The following TATDN3 variants were observed in gnomAD, a reference collection of about 807,000 sequenced individuals.
TATDN3 encodes TatD DNase domain containing 3, also known as deoxyribonuclease TATDN3.
In TATDN3, 29 loss-of-function variants were observed where a neutral mutation model predicts 40.1. The observed-to-expected ratio is 0.72, with a 90% CI of 0.54 to 0.99. The LOEUF is 0.99. Ranked by LOEUF, TATDN3 falls within the 50% of genes least tolerant of loss-of-function variation. TATDN3 has a pLI of 0.00. For synonymous variants in TATDN3, 105 were observed against 117.0 expected (o/e 0.90, Z 0.66); for missense variants, 309 against 321.9 (o/e 0.96, Z 0.31).
At chr1:212,802,143 C>T (rs995822660) in intron 4 of TATDN3, among the ~76,000 whole-genome samples, 1 of 152,322 alleles carries the variant, frequency 6.6e-6, no homozygotes, top group African/African-American at 2.4e-5. Flanking sequence ...TAATGGTACA[C>T]AGCTACTTCA....
chr1:212,808,323 A>AC lies in TATDN3; in HGVS notation c.600+475_600+476insC, dbSNP rs144431566. 2.1e-5 allele frequency among the ~76,000 whole-genome samples: 3 copies of AC among 140,118 alleles called. No homozygotes were observed. The East Asian group carries it at 5.8e-4, about 27-fold the overall frequency. 91.9% of individuals were successfully genotyped at this position (140,118 alleles called of 152,430 possible). A position where few individuals can be genotyped will look rare whatever the true frequency, so the allele number is the denominator to read the frequency against. ...GCGAAACTCCATCTCAAAAAAAAAA[A>AC]AAAAACTAAAAATTCTTAGAGGAAA... On this transcript the variant is annotated intron_variant, in intron 8 of 9. Coordinates refer to ENST00000366974, the MANE Select transcript of TATDN3 (RefSeq NM_001042552.3).
intron 8 of TATDN3, among the ~76,000 whole-genome samples, chr1:212,810,157 A>C (rs144078748): frequency 3.8e-4 from 58 of 152,086 alleles, no homozygotes; most frequent in African/African-American, 1.3e-3. Context: ...TGAGCTCAAG[A>C]ATTTGAGAAC....
chr1:212,796,482 ATTG>A, intron 2 of TATDN3, 32 bp from the exon 3 acceptor site: 1 of 1,435,198 alleles, frequency 7.0e-7, no homozygotes, highest in Non-Finnish European at 9.2e-7. Context: ...TTAAATGTAT[ATTG>A]TTTGTAACTT....
chr1:212,791,985 C>T lies in TATDN3; in HGVS notation c.64C>T (p.Arg22Cys), dbSNP rs1661333411. 1 of 1,613,900 alleles carries T rather than the reference C, an allele frequency of 6.2e-7. No individual in the cohort carries two copies. Among genetic ancestry groups the T allele is most frequent in the Admixed American group, 1.7e-5 (1 of 59,986 alleles). The change falls in exon 1 of 10, where the codon CGC (arginine) becomes TGC (cysteine). Residue 22 changes from arginine (R) to cysteine (C), a missense_variant and splice_region_variant. Arg to Cys is a radical substitution (Grantham distance 180, BLOSUM62 -3). Transcript: ENST00000366974. ...HCHLSAPDFDRDLDDVLEKAK... is the reference protein window; with the variant it reads ...HCHLSAPDFDCDLDDVLEKAK... ...CCACCTCTCCGCCCCGGACTTTGACCGCGTATGTGAGGGCGATACGGGACC... is the reference window on the plus strand; with the variant it reads ...CCACCTCTCCGCCCCGGACTTTGACTGCGTATGTGAGGGCGATACGGGACC...
chr1:212,792,112 C>A, intron 1 of TATDN3, 125 bp downstream of exon 1: 1 of 923,936 alleles, frequency 1.1e-6, no homozygotes, highest in Non-Finnish European at 1.7e-6. Flanking sequence ...TGTTTATGGC[C>A]ATATGACCTT....
chr1:212,804,682 A>C, intron 7 of TATDN3, 31 bp downstream of exon 7: 2 of 1,581,090 alleles, frequency 1.3e-6, no homozygotes, highest in Non-Finnish European at 1.7e-6. Flanking sequence ...AATAGGCCTA[A>C]TGTTCAAGTT....
intron 1 of TATDN3, chr1:212,794,576 G>A (rs1365642696): frequency 5.8e-6 from 2 of 344,040 alleles, no homozygotes; most frequent in Non-Finnish European, 1.2e-5. Context: ...GGAGACAAGA[G>A]TGAAACTTCA....
Position 212,815,121 on chromosome 1 carries a change from C to T in TATDN3, c.790C>T (p.Leu264=). The T allele has an allele frequency of 6.2e-7, 1 of 1,613,614 alleles. No homozygotes were observed. The highest frequency in any genetic ancestry group is 1.1e-5 in the South Asian group (1 of 90,916). Residue 264 remains leucine (L), a synonymous_variant, in exon 10 of 10, where the codon CTG becomes TTG. Coordinates refer to ENST00000366974, the MANE Select transcript of TATDN3 (RefSeq NM_001042552.3). ...IEVTTQNALK[L]FPKLRHLLQK ...AGTGACGACACAGAATGCATTAAAA[C>T]TGTTTCCTAAGCTCCGACACTTGCT... is the stretch of plus-strand genomic sequence containing the variant.
intron 5 of TATDN3, among the ~76,000 whole-genome samples, chr1:212,804,009 C>G (rs930890407): frequency 2.6e-5 from 4 of 152,024 alleles, no homozygotes; most frequent in Non-Finnish European, 5.9e-5. Flanking sequence ...GCACTCCATC[C>G]TGGGCAACAG....
intron 4 of TATDN3, among the ~76,000 whole-genome samples, chr1:212,801,103 T>C (rs1002264271): frequency 2.6e-5 from 4 of 151,586 alleles, no homozygotes; most frequent in Non-Finnish European, 4.4e-5. Flanking sequence ...GATGGGAGAA[T>C]CACTTGAGCC....
intron 1 of TATDN3, among the ~76,000 whole-genome samples, chr1:212,792,632 CAAAAAAA>C (rs752952752): frequency 0.043 from 3,243 of 75,112 alleles, 85 homozygotes; most frequent in South Asian, 0.076. Flanking sequence ...GACCCTGTCT[CAAAAAAA>C]AAAAAAAAAA....
intron 4 of TATDN3, among the ~76,000 whole-genome samples, chr1:212,799,165 T>C (rs1486834309): frequency 6.6e-6 from 1 of 152,142 alleles, no homozygotes; most frequent in Admixed American, 6.5e-5. Flanking sequence ...GTGATAGTGA[T>C]GGGGTAAGAG....
At chr1:212,792,923 A>T (rs1216764087) in intron 1 of TATDN3, 1 of 152,448 alleles carries the variant, frequency 6.6e-6, no homozygotes, top group African/African-American at 2.4e-5. Flanking sequence ...TTCAGGGGGA[A>T]ATCCTCCCAG....
At chr1:212,813,566 C>CTT (rs202183479) in intron 9 of TATDN3, among the ~76,000 whole-genome samples, 8,810 of 130,884 alleles carry the variant, frequency 0.067, 342 homozygotes, top group African/African-American at 0.083. Context: ...TCTTTCTTTT[C>CTT]TTTTTTTTTT....
intron 8 of TATDN3, among the ~76,000 whole-genome samples, chr1:212,810,511 C>CAAAA (rs55912631): frequency 0.014 from 707 of 49,702 alleles, 37 homozygotes; most frequent in African/African-American, 0.054. Flanking sequence ...GACTCTGTCT[C>CAAAA]AAAAAAAAAA....
intron 9 of TATDN3, among the ~76,000 whole-genome samples, chr1:212,813,676 A>G (rs1220273458): frequency 1.3e-5 from 2 of 150,114 alleles, no homozygotes; most frequent in East Asian, 2.0e-4. Context: ...TCCATCAGGC[A>G]TGTGCTACCA....
Position 212,807,822 on chromosome 1 carries a change from C to T in TATDN3, c.574C>T (p.Pro192Ser), listed in dbSNP as rs1662632841. ...AAGAGCTGGGTACTTCTTCTCAATT[C>T]CCCCTTCTATCATAAGAAGTGGACA... ...GVRAGYFFSI[P>S]PSIIRSGQKQ... Residue 192 changes from proline to serine, a missense_variant, in exon 8 of 10, where the codon CCC becomes TCC. Physicochemically the swap from Pro to Ser is moderately conservative, Grantham distance 74. Coordinates refer to ENST00000366974, the MANE Select transcript of TATDN3 (RefSeq NM_001042552.3). The T allele has an allele frequency of 6.2e-7, 1 of 1,612,826 alleles. No individual in the cohort carries two copies. The highest frequency in any genetic ancestry group is 1.7e-5 in the Admixed American group (1 of 59,794).
intron 7 of TATDN3, among the ~76,000 whole-genome samples, chr1:212,804,855 T>A (rs1532951): frequency 6.6e-6 from 1 of 152,204 alleles, no homozygotes; most frequent in Non-Finnish European, 1.5e-5. Flanking sequence ...CAGGCCCAGA[T>A]AGAGTAAATG....
At chr1:212,799,425 G>A (rs1181929082) in intron 4 of TATDN3, among the ~76,000 whole-genome samples, 1 of 152,286 alleles carries the variant, frequency 6.6e-6, no homozygotes, top group African/African-American at 2.4e-5. Context: ...CAGAGTACTA[G>A]CATTGGAGGT....
Sources: allele counts gnomAD v4.1 joint callset (sites outside exome capture counted in the v4.1 genomes callset), GRCh38; gene constraint gnomAD v4.1.1; transcripts MANE v1.5; gene names NCBI Gene and HGNC (gene_info 2026-07-23, HGNC 2026-07-21).